The following SDK1 variants were observed in gnomAD, a reference collection of about 807,000 sequenced individuals.
SDK1 encodes protein sidekick-1.
Under a neutral mutation model 245.5 loss-of-function variants are expected in SDK1, and 157 were observed. The ratio of observed to expected loss-of-function variants is 0.64; its 90% CI spans 0.56 to 0.73. The LOEUF (loss-of-function observed/expected upper bound fraction) is 0.73, where lower values mean the gene tolerates loss of function less well. Ranked by LOEUF, SDK1 falls within the 30% of genes least tolerant of loss-of-function variation. The pLI is 0.00. For missense variants in SDK1, 3,583 were observed against 3,002.3 expected, an observed-to-expected ratio of 1.19 and a Z score of -4.52; for synonymous variants, 1,647 against 1,278.5, an observed-to-expected ratio of 1.29 and a Z score of -6.15.
intron 1 of SDK1, among the ~76,000 whole-genome samples, chr7:3,513,654 G>C (rs1217708969): frequency 6.6e-6 from 1 of 152,072 alleles, no homozygotes; most frequent in African/African-American, 2.4e-5. Flanking sequence ...TTTTATTTTA[G>C]ATTAAAGGTA....
intron 4 of SDK1, among the ~76,000 whole-genome samples, chr7:3,720,809 C>T (rs187595610): frequency 1.2e-4 from 19 of 152,324 alleles, no homozygotes; most frequent in Non-Finnish European, 2.8e-4. Context: ...GTTTCTAGCA[C>T]CATTGTTTGT....
intron 1 of SDK1, among the ~76,000 whole-genome samples, chr7:3,359,604 C>G (rs1375684713): frequency 6.6e-6 from 1 of 152,184 alleles, no homozygotes; most frequent in East Asian, 1.9e-4. Flanking sequence ...TCTAAAGTGT[C>G]TGTCCACACC....
chr7:3,851,286 T>A (rs1780412909), intron 5 of SDK1, among the ~76,000 whole-genome samples: 1 of 152,218 alleles, frequency 6.6e-6, no homozygotes, highest in Admixed American at 6.5e-5. Context: ...TTAATTGAAT[T>A]ATTTGGCGTT....
At position 4,268,573 on chromosome 7, in the gene SDK1, T is replaced by A. The variant is rs10227734; in HGVS notation, c.*3189T>A. The A allele has an allele frequency of 0.048, 64,984 of 1,343,874 alleles. 5,889 individuals are homozygous for A. Among genetic ancestry groups the A allele is most frequent in the African/African-American group, 0.37 (24,642 of 67,410 alleles). 83.2% of individuals were successfully genotyped at this position (1,343,874 alleles called of 1,614,324 possible). On this transcript the variant is annotated 3_prime_UTR_variant, in exon 45 of 45. Coordinates refer to ENST00000404826, the MANE Select transcript of SDK1 (RefSeq NM_152744.4). ...CGGGAGGTGGCTCACTCTGTACAGG[T>A]CTTCGGAGGCCGTGTTTGTATCTAA...
At chr7:3,765,046 T>G (rs531722597) in intron 4 of SDK1, among the ~76,000 whole-genome samples, 1 of 152,258 alleles carries the variant, frequency 6.6e-6, no homozygotes, top group African/African-American at 2.4e-5. Context: ...TATAACAACA[T>G]AAAACAAAAC....
At chr7:3,370,686 A>T (rs943293800) in intron 1 of SDK1, among the ~76,000 whole-genome samples, 5 of 152,230 alleles carry the variant, frequency 3.3e-5, no homozygotes, top group African/African-American at 1.2e-4. Flanking sequence ...GGTGAAACAG[A>T]TTGCGAATGG....
intron 1 of SDK1, among the ~76,000 whole-genome samples, chr7:3,429,017 A>G (rs1241038781): frequency 6.6e-6 from 1 of 152,180 alleles, no homozygotes; most frequent in Non-Finnish European, 1.5e-5. Flanking sequence ...CTTAGGAATA[A>G]GTTAAATAGT....
At chr7:4,101,847 A>G (rs1172236324) in intron 22 of SDK1, among the ~76,000 whole-genome samples, 2 of 152,076 alleles carry the variant, frequency 1.3e-5, no homozygotes, top group African/African-American at 4.8e-5. Context: ...GAGAAGAAAG[A>G]GGAGGCAAGG....
chr7:3,759,400 C>T (rs1327130519), intron 4 of SDK1, among the ~76,000 whole-genome samples: 3 of 151,702 alleles, frequency 2.0e-5, no homozygotes, highest in South Asian at 4.2e-4. Flanking sequence ...GAGCCATGTC[C>T]TATAAGAAAA....
In SDK1 at chr7:3,513,895, G is replaced by C. The variant is rs563590195; in HGVS notation, c.299-105185G>C. On this transcript the variant is annotated intron_variant, in intron 1 of 44. Coordinates refer to ENST00000404826, the MANE Select transcript of SDK1 (RefSeq NM_152744.4). ...AAGGATATGTGGTATTTGTTTTTCT[G>C]TTCTTGCATTAATTTGCCTAGGATA... 1.2e-4 allele frequency among the ~76,000 whole-genome samples: 19 copies of C among 152,220 alleles called. No homozygotes were observed. In the South Asian group the frequency reaches 3.7e-3, roughly 30 times the overall value.
At chr7:3,846,551 G>A (rs984610243) in intron 5 of SDK1, among the ~76,000 whole-genome samples, 4 of 152,230 alleles carry the variant, frequency 2.6e-5, no homozygotes, top group East Asian at 3.9e-4. Flanking sequence ...GGTTCTTTGC[G>A]AAAAGGAAGC....
intron 5 of SDK1, among the ~76,000 whole-genome samples, chr7:3,846,653 G>A (rs976012029): frequency 2.6e-5 from 4 of 152,142 alleles, no homozygotes; most frequent in African/African-American, 7.2e-5. Flanking sequence ...TACTGCTTCC[G>A]TTGAAGGCTA....
In SDK1 at chr7:4,210,049, C is replaced by G; in HGVS notation, c.5426C>G (p.Ala1809Gly). 1 of 1,593,512 alleles carries G rather than the reference C, an allele frequency of 6.3e-7. No homozygotes were observed. Among genetic ancestry groups the G allele is most frequent in the Non-Finnish European group, 8.5e-7 (1 of 1,172,192 alleles). ...QAAPGAPSFL[A>G]FSEITSTTLN... ...GCCCCTGGGGCCCCCAGCTTTCTGG[C>G]GTTCTCAGAAATAACCTCCACCACG... The change falls in exon 38 of 45, where the codon GCG becomes GGG. Residue 1809 changes from alanine (A) to glycine (G), a missense_variant. Transcript: ENST00000404826.
chr7:3,391,563 A>G (rs567350926), intron 1 of SDK1, among the ~76,000 whole-genome samples: 1 of 152,192 alleles, frequency 6.6e-6, no homozygotes, highest in African/African-American at 2.4e-5. Context: ...ACAATTTAAA[A>G]GTATATATAT....
chr7:3,754,390 C>G (rs971952242), intron 4 of SDK1, among the ~76,000 whole-genome samples: 1 of 152,166 alleles, frequency 6.6e-6, no homozygotes, highest in Non-Finnish European at 1.5e-5. Context: ...GGTAACTTAG[C>G]AAACTGTTAC....
chr7:3,387,703 T>G (rs1436111777), intron 1 of SDK1, among the ~76,000 whole-genome samples: 1 of 152,246 alleles, frequency 6.6e-6, no homozygotes, highest in South Asian at 2.1e-4. Context: ...ACTGTACATT[T>G]AATGTTTAAG....
At chr7:3,702,250 G>C (rs2115008469) in intron 4 of SDK1, among the ~76,000 whole-genome samples, 1 of 152,190 alleles carries the variant, frequency 6.6e-6, no homozygotes, top group Middle Eastern at 3.4e-3. Flanking sequence ...GCCATATTTG[G>C]AATACATAAA....
chr7:4,096,929 CAAACA>C (rs1378975747), intron 22 of SDK1, among the ~76,000 whole-genome samples: 5 of 152,196 alleles, frequency 3.3e-5, no homozygotes, highest in Non-Finnish European at 4.4e-5. Context: ...AGCCTGGGCT[CAAACA>C]CCCACAGTGG....
At chr7:3,330,068 GT>G (rs1486871265) in intron 1 of SDK1, among the ~76,000 whole-genome samples, 4 of 152,264 alleles carry the variant, frequency 2.6e-5, no homozygotes, top group Admixed American at 2.6e-4. Context: ...TTCATTGTAT[GT>G]ATATGTCACC....
Sources: gnomAD v4.1 joint callset for allele counts (sites outside exome capture counted in the v4.1 genomes callset) on GRCh38, gnomAD v4.1.1 for gene constraint, MANE v1.5 for transcripts, NCBI Gene and HGNC (gene_info 2026-07-23, HGNC 2026-07-21) for gene names.